Variants in FYN observed in about 807,000 individuals in gnomAD.
FYN encodes tyrosine-protein kinase Fyn.
Under a neutral mutation model 70.2 loss-of-function variants are expected in FYN, and 10 were observed. That is an observed-to-expected ratio of 0.14 (90% CI 0.09 to 0.24). FYN has a LOEUF of 0.24. FYN is among the 10% of genes least tolerant of loss of function. The probability of loss-of-function intolerance (pLI) is 1.00; values close to 1 mark genes in which losing one functional copy is unlikely to be tolerated. For synonymous variants in FYN, 236 were observed against 248.6 expected (o/e 0.95, Z 0.48); for missense variants, 319 against 673.1 (o/e 0.47, Z 5.82).
intron 4 of FYN, among the ~76,000 whole-genome samples, chr6:111,716,502 A>T (rs1800649531): frequency 6.6e-6 from 1 of 152,204 alleles, no homozygotes; most frequent in African/African-American, 2.4e-5. Context: ...TACAGTTATA[A>T]ACCTGGGTCT....
intron 3 of FYN, among the ~76,000 whole-genome samples, chr6:111,772,481 A>C (rs1041190760): frequency 5.3e-5 from 8 of 152,196 alleles, no homozygotes; most frequent in Non-Finnish European, 2.9e-5. Context: ...GTGCACCTTG[A>C]CATTGGTTAG....
At position 111,661,312 on chromosome 6, in the gene FYN, T is replaced by G. The variant is rs1797722202; in HGVS notation, c.*427A>C. Reference sequence around the variant, plus strand: ...TTTTGTTAAAACATGAAAAAAAATTTTATTGTTTTAGACAAAGAGGCCACT... The same window carrying G: ...TTTTGTTAAAACATGAAAAAAAATTGTATTGTTTTAGACAAAGAGGCCACT... On this transcript the variant is annotated 3_prime_UTR_variant, in exon 14 of 14. Coordinates refer to ENST00000354650, the MANE Select transcript of FYN (RefSeq NM_002037.5). The surrounding 1 kb of genome is among the most constrained non-coding windows in gnomAD (Gnocchi z 4.0). The G allele has an allele frequency of 6.5e-6, 1 of 154,528 alleles. No individual in the cohort carries two copies. Among genetic ancestry groups the G allele is most frequent in the Admixed American group, 6.4e-5 (1 of 15,548 alleles). The allele number at this position is 154,528 out of a possible 1,614,324, so 9.6% of individuals were successfully genotyped here. A position where few individuals can be genotyped will look rare whatever the true frequency, so the allele number is the denominator to read the frequency against.
intron 12 of FYN, among the ~76,000 whole-genome samples, chr6:111,690,824 G>A (rs1356351121): frequency 1.3e-5 from 2 of 152,130 alleles, no homozygotes; most frequent in African/African-American, 4.8e-5. Context: ...AGGTGGTAGC[G>A]CTGGATTTCA....
intron 4 of FYN, among the ~76,000 whole-genome samples, chr6:111,719,218 G>A (rs1438359028): frequency 2.0e-5 from 3 of 151,266 alleles, no homozygotes; most frequent in Admixed American, 6.6e-5. Flanking sequence ...GTCTGAGAAC[G>A]TACGCCAGAT....
At chr6:111,674,176 A>C (rs1170475774) in intron 13 of FYN, among the ~76,000 whole-genome samples, 1 of 152,190 alleles carries the variant, frequency 6.6e-6, no homozygotes, top group Non-Finnish European at 1.5e-5. Flanking sequence ...AGGCACTGCC[A>C]GTGACATTTC....
chr6:111,793,347 C>G (rs1290217659), intron 2 of FYN, among the ~76,000 whole-genome samples: 1 of 152,044 alleles, frequency 6.6e-6, no homozygotes, highest in Non-Finnish European at 1.5e-5. Context: ...TTCGGATATT[C>G]AAGCCCATTT....
chr6:111,698,312 TA>T (rs1378349965), intron 9 of FYN, among the ~76,000 whole-genome samples: 1 of 152,132 alleles, frequency 6.6e-6, no homozygotes, highest in Non-Finnish European at 1.5e-5. Flanking sequence ...TTTGTATTTT[TA>T]GTAGAGGCAG....
chr6:111,705,122 T>C (rs1040414875), intron 6 of FYN, among the ~76,000 whole-genome samples: 3 of 152,100 alleles, frequency 2.0e-5, no homozygotes, highest in Admixed American at 6.6e-5. Flanking sequence ...AGCATTATTG[T>C]AACTGCTGGG....
intron 3 of FYN, among the ~76,000 whole-genome samples, chr6:111,736,301 A>G (rs1407914213): frequency 6.6e-6 from 1 of 152,222 alleles, no homozygotes; most frequent in East Asian, 1.9e-4. Context: ...CATAAAAAAT[A>G]TAATATTAAC....
chr6:111,840,646 A>G (rs531866065), intron 2 of FYN, among the ~76,000 whole-genome samples: 67 of 152,344 alleles, frequency 4.4e-4, no homozygotes, highest in African/African-American at 1.6e-3. Context: ...GTGGGCTAAA[A>G]GTGGGCAGTA....
intron 3 of FYN, among the ~76,000 whole-genome samples, chr6:111,744,134 G>C (rs1208699214): frequency 6.6e-6 from 1 of 152,224 alleles, no homozygotes; most frequent in Non-Finnish European, 1.5e-5. Flanking sequence ...TGCAGCTGCA[G>C]CTGCAAATGC....
At position 111,721,876 on chromosome 6, in the gene FYN, C is replaced by T. The variant is rs528840532; in HGVS notation, c.-11-1814G>A. Among the ~76,000 whole-genome samples the T allele has an allele frequency of 8.1e-4, 124 of 152,244 alleles. 1 individual carries two copies. Among genetic ancestry groups the T allele is most frequent in the African/African-American group, 2.9e-3 (120 of 41,536 alleles). On this transcript the variant is annotated intron_variant, in intron 3 of 13. Coordinates refer to ENST00000354650, the MANE Select transcript of FYN (RefSeq NM_002037.5). ...TAGAACAGGCCAGTGGAGGTCCCTG[C>T]CAAAACCGCAAACTAGCCCATTTGG...
At chr6:111,708,619 A>G (rs1034710765) in intron 5 of FYN, among the ~76,000 whole-genome samples, 5 of 152,204 alleles carry the variant, frequency 3.3e-5, no homozygotes, top group African/African-American at 1.2e-4. Flanking sequence ...ATGATGCTAC[A>G]GTAGGATCAC....
At chr6:111,686,324 C>T (rs950438364) in intron 12 of FYN, among the ~76,000 whole-genome samples, 10 of 152,036 alleles carry the variant, frequency 6.6e-5, no homozygotes, top group Middle Eastern at 6.4e-3. Context: ...AACTCGGATC[C>T]GGGAAGCTTG....
At chr6:111,720,315 T>G (rs1306405003) in intron 3 of FYN, among the ~76,000 whole-genome samples, 2 of 152,176 alleles carry the variant, frequency 1.3e-5, no homozygotes, top group African/African-American at 4.8e-5. Flanking sequence ...ATGCAGCAAC[T>G]TTCCTCGAAT....
chr6:111,868,457 CT>C (rs1219196900), intron 1 of FYN, among the ~76,000 whole-genome samples: 2 of 152,108 alleles, frequency 1.3e-5, no homozygotes, highest in African/African-American at 4.8e-5. Context: ...ACATGCCTTG[CT>C]TTACCATTGT....
At chr6:111,755,798 A>G (rs1802704819) in intron 3 of FYN, among the ~76,000 whole-genome samples, 1 of 152,206 alleles carries the variant, frequency 6.6e-6, no homozygotes, top group Admixed American at 6.5e-5. Context: ...AGAAATAATT[A>G]TGGTAATTAC....
intron 3 of FYN, among the ~76,000 whole-genome samples, chr6:111,746,750 T>C (rs889043598): frequency 7.9e-5 from 12 of 152,076 alleles, no homozygotes; most frequent in Non-Finnish European, 1.6e-4. Context: ...AGTGGCTTCA[T>C]CTTTAGAATC....
intron 3 of FYN, among the ~76,000 whole-genome samples, chr6:111,756,631 A>AT (rs1802749037): frequency 6.6e-6 from 1 of 152,214 alleles, no homozygotes; most frequent in South Asian, 2.1e-4. Context: ...ACTAATGTGG[A>AT]TTTTTGCTAA....
Sources: gnomAD v4.1 joint callset for allele counts (sites outside exome capture counted in the v4.1 genomes callset) on GRCh38, gnomAD v4.1.1 for gene constraint, Gnocchi (gnomAD v3.1) non-coding constraint, MANE v1.5 for transcripts, NCBI Gene and HGNC (gene_info 2026-07-23, HGNC 2026-07-21) for gene names.